The following SUGCT variants were observed in gnomAD, a reference collection of about 807,000 sequenced individuals.
The protein encoded by SUGCT is succinyl-CoA:glutarate CoA-transferase.
In SUGCT, 41 loss-of-function variants were observed where a neutral mutation model predicts 55.0. That is an observed-to-expected ratio of 0.74 (90% CI 0.58 to 0.97). The LOEUF (loss-of-function observed/expected upper bound fraction) is 0.97, where lower values mean the gene tolerates loss of function less well. Among genes scored for constraint, SUGCT ranks in the 50% least tolerant of loss-of-function variants. The pLI is 0.00. For synonymous variants in SUGCT, 187 were observed against 200.4 expected, an observed-to-expected ratio of 0.93 and a Z score of 0.56; for missense variants, 568 against 547.8, an observed-to-expected ratio of 1.04 and a Z score of -0.37.
chr7:40,671,957 A>G lies in SUGCT; in HGVS notation c.1090-77477A>G, dbSNP rs868765719. Among the ~76,000 whole-genome samples, 9 of 152,306 alleles carry G rather than the reference A, an allele frequency of 5.9e-5. No individual in the cohort carries two copies. The Middle Eastern group carries it at 0.014, about 230-fold the overall frequency. On this transcript the variant is annotated intron_variant, in intron 12 of 13. Coordinates refer to ENST00000335693, the MANE Select transcript of SUGCT (RefSeq NM_001193313.2). ...AAGACTTATTTTATAGCTACAGTAAACAAGATTGTATACAGAGAACAGATA... is the reference window on the plus strand; with the variant it reads ...AAGACTTATTTTATAGCTACAGTAAGCAAGATTGTATACAGAGAACAGATA...
chr7:40,584,846 T>C (rs917823067), intron 12 of SUGCT, among the ~76,000 whole-genome samples: 1 of 152,222 alleles, frequency 6.6e-6, no homozygotes, highest in Non-Finnish European at 1.5e-5. Context: ...TAGTAATGAC[T>C]CTGACTTCCC....
At chr7:40,347,647 T>C (rs1797389242) in intron 9 of SUGCT, among the ~76,000 whole-genome samples, 1 of 152,230 alleles carries the variant, frequency 6.6e-6, no homozygotes, top group Admixed American at 6.5e-5. Context: ...GCCAGTGTTA[T>C]AGTGACTTAT....
intron 11 of SUGCT, among the ~76,000 whole-genome samples, chr7:40,467,559 C>G (rs1358388601): frequency 6.6e-6 from 1 of 152,132 alleles, no homozygotes; most frequent in African/African-American, 2.4e-5. Context: ...ATTTTTGAGA[C>G]CTATCTGAGG....
chr7:40,383,565 A>G (rs1318389888), intron 9 of SUGCT, among the ~76,000 whole-genome samples: 1 of 152,208 alleles, frequency 6.6e-6, no homozygotes, highest in Non-Finnish European at 1.5e-5. Context: ...GCTTTCAGAG[A>G]ACTTCCCATC....
intron 12 of SUGCT, among the ~76,000 whole-genome samples, chr7:40,584,955 G>T (rs1398559900): frequency 6.6e-6 from 1 of 152,198 alleles, no homozygotes; most frequent in Non-Finnish European, 1.5e-5. Context: ...CAAGTGCATT[G>T]TAAATGATAA....
intron 8 of SUGCT, among the ~76,000 whole-genome samples, chr7:40,283,104 A>G (rs966292142): frequency 2.0e-5 from 3 of 152,336 alleles, no homozygotes; most frequent in Admixed American, 6.5e-5. Flanking sequence ...GACAACTTAC[A>G]GAATGGGAGA....
intron 6 of SUGCT, among the ~76,000 whole-genome samples, chr7:40,221,413 C>CA (rs200885495): frequency 0.033 from 2,882 of 87,806 alleles, 84 homozygotes; most frequent in African/African-American, 0.11. Flanking sequence ...GACCCTGTCT[C>CA]AAAAAAAAAA....
Position 40,327,192 on chromosome 7 carries a change from AT to A in SUGCT, c.816+10340del, listed in dbSNP as rs530973745. On this transcript the variant is annotated intron_variant, in intron 9 of 13. Coordinates refer to ENST00000335693, the MANE Select transcript of SUGCT (RefSeq NM_001193313.2). ...GTTTTTGGCCAGGTAGCTTTTGAAT[AT>A]TTGCCTTTGTGTATGCCTTGATCCT... Among the ~76,000 whole-genome samples, 62 of 152,284 alleles carry A rather than the reference AT, an allele frequency of 4.1e-4. No individual in the cohort carries two copies. In the East Asian group the frequency reaches 8.9e-3, roughly 22 times the overall value.
chr7:40,135,242 C>G, intron 1 of SUGCT, 122 bp downstream of exon 1: 1 of 1,222,542 alleles, frequency 8.2e-7, no homozygotes, highest in Non-Finnish European at 1.1e-6. Flanking sequence ...GGTGGCTTTG[C>G]TCGCCTCCCT....
intron 9 of SUGCT, among the ~76,000 whole-genome samples, chr7:40,446,331 GC>G (rs542976804): frequency 1.3e-4 from 19 of 151,546 alleles, no homozygotes; most frequent in African/African-American, 4.1e-4. Flanking sequence ...TTACTTATTC[GC>G]CCCCCATCTC....
At chr7:40,683,896 A>T (rs1044689383) in intron 12 of SUGCT, among the ~76,000 whole-genome samples, 1 of 152,240 alleles carries the variant, frequency 6.6e-6, no homozygotes, top group African/African-American at 2.4e-5. Context: ...GAAGTCTCAC[A>T]TAGGTCTCAC....
chr7:40,651,434 T>G (rs1229655311), intron 12 of SUGCT, among the ~76,000 whole-genome samples: 1 of 148,538 alleles, frequency 6.7e-6, no homozygotes, highest in East Asian at 2.0e-4. Flanking sequence ...TTTTTAATGG[T>G]TTTTTTTTTC....
intron 13 of SUGCT, among the ~76,000 whole-genome samples, chr7:40,834,257 TG>T (rs1792845678): frequency 1.8e-5 from 1 of 55,336 alleles, no homozygotes; most frequent in African/African-American, 7.3e-5. Flanking sequence ...ATTCTTAGGC[TG>T]GGGGGTGGGT....
chr7:40,744,004 C>T (rs550139283), intron 12 of SUGCT, among the ~76,000 whole-genome samples: 149 of 152,234 alleles, frequency 9.8e-4, no homozygotes, highest in Middle Eastern at 3.4e-3. Context: ...TCACTGCAAC[C>T]TCCGTCTCCT....
intron 9 of SUGCT, among the ~76,000 whole-genome samples, chr7:40,427,987 G>A (rs1787677010): frequency 6.6e-6 from 1 of 151,984 alleles, no homozygotes; most frequent in Non-Finnish European, 1.5e-5. Flanking sequence ...TGTTCTATTC[G>A]AGATTGAAAA....
chr7:40,560,445 A>G (rs2151660870), intron 12 of SUGCT, among the ~76,000 whole-genome samples: 1 of 152,312 alleles, frequency 6.6e-6, no homozygotes, highest in East Asian at 1.9e-4. Flanking sequence ...TCTCATTGTT[A>G]CTTGCTTTTT....
At chr7:40,410,401 T>G (rs1786608304) in intron 9 of SUGCT, among the ~76,000 whole-genome samples, 1 of 152,194 alleles carries the variant, frequency 6.6e-6, no homozygotes, top group East Asian at 1.9e-4. Context: ...CCCTTCTACT[T>G]TTTTCTTCCT....
intron 11 of SUGCT, among the ~76,000 whole-genome samples, chr7:40,459,947 G>A (rs756669999): frequency 2.0e-4 from 31 of 152,182 alleles, no homozygotes; most frequent in Non-Finnish European, 3.7e-4. Context: ...AATGGGCTTT[G>A]TGGCTTTTGT....
At chr7:40,480,231 C>T (rs1329184637) in intron 11 of SUGCT, among the ~76,000 whole-genome samples, 1 of 152,028 alleles carries the variant, frequency 6.6e-6, no homozygotes, top group African/African-American at 2.4e-5. Context: ...CTTTCTTCTG[C>T]CTGTGGATAT....
Sources: gnomAD v4.1 joint callset for allele counts (sites outside exome capture counted in the v4.1 genomes callset) on GRCh38, gnomAD v4.1.1 for gene constraint, MANE v1.5 for transcripts, NCBI Gene and HGNC (gene_info 2026-07-23, HGNC 2026-07-21) for gene names.